Variants in IMMT observed in about 807,000 individuals in gnomAD.
IMMT encodes the protein MICOS complex subunit MIC60.
A neutral mutation model predicts 92.7 loss-of-function variants in IMMT; 40 were observed. That is an observed-to-expected ratio of 0.43 (90% confidence interval 0.34 to 0.56). The LOEUF (loss-of-function observed/expected upper bound fraction) is 0.56, where lower values mean the gene tolerates loss of function less well. IMMT is among the 20% of genes least tolerant of loss of function. The pLI, the probability that IMMT is intolerant of heterozygous loss-of-function variation, is 0.03. For synonymous variants in IMMT, 322 were observed against 336.1 expected (o/e 0.96, Z 0.46); for missense variants, 831 against 912.1 (o/e 0.91, Z 1.14).
At chr2:86,151,274 G>A in intron 12 of IMMT, 23 bp downstream of exon 12, 1 of 1,547,654 alleles carries the variant, frequency 6.5e-7, no homozygotes, top group Non-Finnish European at 8.9e-7. Context: ...TAAATGTTAG[G>A]CAACAATTCT....
At chr2:86,193,372 A>G (rs186486554) in intron 1 of IMMT, among the ~76,000 whole-genome samples, 46 of 149,316 alleles carry the variant, frequency 3.1e-4, no homozygotes, top group Admixed American at 1.4e-3. Context: ...GTGCCACTGC[A>G]CTCCAGCCTG....
chr2:86,152,403 T>C (rs1418991345), intron 11 of IMMT, among the ~76,000 whole-genome samples: 1 of 132,424 alleles, frequency 7.6e-6, no homozygotes, highest in Non-Finnish European at 1.5e-5. Flanking sequence ...ATTGCGCCAC[T>C]GTATTCCAGC....
chr2:86,166,773 G>T, intron 6 of IMMT, 129 bp from the exon 7 acceptor site: 1 of 867,832 alleles, frequency 1.2e-6, no homozygotes, highest in Non-Finnish European at 1.7e-6. Context: ...AAATACATGA[G>T]ACTCAAATTT....
intron 6 of IMMT, among the ~76,000 whole-genome samples, chr2:86,169,083 G>A (rs1019260660): frequency 6.6e-6 from 1 of 152,186 alleles, no homozygotes; most frequent in African/African-American, 2.4e-5. Flanking sequence ...TATTTTTAAA[G>A]TCAAGTTTGA....
intron 1 of IMMT, among the ~76,000 whole-genome samples, chr2:86,189,325 C>T (rs1327676997): frequency 6.7e-6 from 1 of 150,108 alleles, no homozygotes; most frequent in Non-Finnish European, 1.5e-5. Flanking sequence ...ACCTCCATCT[C>T]CTGGGTTTAA....
intron 6 of IMMT, among the ~76,000 whole-genome samples, chr2:86,169,547 C>T (rs139331099): frequency 3.5e-4 from 53 of 152,220 alleles, no homozygotes; most frequent in African/African-American, 9.4e-4. Context: ...AAACTATAAA[C>T]AGCTGCCATG....
rs1302558451 is a variant in IMMT at position 86,171,588 on chromosome 2, C to G, written c.422-243G>C. 5.1e-5 allele frequency: 22 copies of G among 430,190 alleles called. No individual in the cohort carries two copies. The Admixed American group carries it at 7.7e-4, about 15-fold the overall frequency. The allele number at this position is 430,190 out of a possible 1,614,324, so 26.6% of individuals were successfully genotyped here. ...AAGAAGTCTTGTCTGCATCCACCTG[C>G]ATTTTAACCATCATTATTCCAGGCA... On this transcript the variant is annotated intron_variant, in intron 4 of 14. Coordinates refer to ENST00000410111, the MANE Select transcript of IMMT (RefSeq NM_006839.3).
At chr2:86,169,705 C>CA (rs980373140) in intron 6 of IMMT, among the ~76,000 whole-genome samples, 5 of 148,662 alleles carry the variant, frequency 3.4e-5, no homozygotes, top group Non-Finnish European at 7.4e-5. Flanking sequence ...TTTAAACCAT[C>CA]AAAAAATTTA....
intron 1 of IMMT, among the ~76,000 whole-genome samples, chr2:86,189,458 C>T (rs1313331158): frequency 1.3e-5 from 2 of 152,200 alleles, no homozygotes; most frequent in African/African-American, 4.8e-5. Context: ...TGGTCTTGAA[C>T]TCCTGACCTC....
intron 10 of IMMT, among the ~76,000 whole-genome samples, chr2:86,157,805 A>AAG (rs1246784548): frequency 8.4e-5 from 5 of 59,528 alleles, no homozygotes; most frequent in African/African-American, 2.5e-4. Flanking sequence ...AAAAAAAAAG[A>AAG]AAAAAAAAAA....
At chr2:86,155,222 C>G (rs545459339) in intron 10 of IMMT, among the ~76,000 whole-genome samples, 1 of 152,252 alleles carries the variant, frequency 6.6e-6, no homozygotes, top group African/African-American at 2.4e-5. Flanking sequence ...TATTTTTCAT[C>G]CAAGGGGCTC....
Position 86,179,556 on chromosome 2 carries a change from G to C in IMMT, c.186C>G (p.Ile62Met). The C allele has an allele frequency of 6.2e-7, 1 of 1,612,832 alleles. No individual in the cohort carries two copies. The highest frequency in any genetic ancestry group is 8.5e-7 in the Non-Finnish European group (1 of 1,179,446). ...AATGGGAATCCCATTTGGCATATAG[G>C]ATAGTGCCACCAATACCTCCACCAA... Reference protein sequence around the residue: ...LFVGGGIGGTILYAKWDSHFR... With the variant: ...LFVGGGIGGTMLYAKWDSHFR... Residue 62 changes from isoleucine (I) to methionine (M), a missense_variant, in exon 3 of 15, where the codon ATC becomes ATG. Coordinates refer to ENST00000410111, the MANE Select transcript of IMMT (RefSeq NM_006839.3).
At chr2:86,185,888 G>C (rs1164102777) in intron 1 of IMMT, among the ~76,000 whole-genome samples, 1 of 152,164 alleles carries the variant, frequency 6.6e-6, no homozygotes, top group African/African-American at 2.4e-5. Context: ...AGAACCAAGA[G>C]CTGAGGAGAA....
At chr2:86,156,017 TATA>T (rs1675830652) in intron 10 of IMMT, among the ~76,000 whole-genome samples, 1 of 152,126 alleles carries the variant, frequency 6.6e-6, no homozygotes, top group Admixed American at 6.5e-5. Context: ...AAAGAAACAA[TATA>T]GATTGCTTCA....
At chr2:86,186,323 A>G (rs999274860) in intron 1 of IMMT, among the ~76,000 whole-genome samples, 3 of 152,152 alleles carry the variant, frequency 2.0e-5, no homozygotes, top group African/African-American at 7.2e-5. Context: ...AAGGCTGAGG[A>G]TAATATCCAA....
intron 3 of IMMT, 138 bp downstream of exon 3, chr2:86,179,295 C>T (rs1677670291): frequency 4.7e-6 from 3 of 639,594 alleles, no homozygotes; most frequent in Non-Finnish European, 7.9e-6. Flanking sequence ...CTTGAGCATC[C>T]ATGGGATTTT....
chr2:86,144,207 C>T lies in IMMT; in HGVS notation c.*61G>A. On this transcript the variant is annotated 3_prime_UTR_variant, in exon 15 of 15. Coordinates refer to ENST00000410111, the MANE Select transcript of IMMT (RefSeq NM_006839.3). Reference sequence around the variant, plus strand: ...TCCGGGACTCTCGCTGCGAACCCTTCATCTATCACTGCTGATTTCCTTTGA... The same window carrying T: ...TCCGGGACTCTCGCTGCGAACCCTTTATCTATCACTGCTGATTTCCTTTGA... The T allele has an allele frequency of 6.3e-7, 1 of 1,583,426 alleles. No homozygotes were observed. The highest frequency in any genetic ancestry group is 8.6e-7 in the Non-Finnish European group (1 of 1,161,054).
At chr2:86,158,553 A>T (rs771161348) in intron 10 of IMMT, 39 bp downstream of exon 10, 1 of 1,504,368 alleles carries the variant, frequency 6.6e-7, no homozygotes, top group Non-Finnish European at 9.0e-7. Flanking sequence ...ATTAGTGGTT[A>T]AAACATCAAA....
At position 86,157,508 on chromosome 2, in the gene IMMT, A is replaced by C. The variant is rs185530482; in HGVS notation, c.1162+1084T>G. Among the ~76,000 whole-genome samples, 7 of 152,032 alleles carry C rather than the reference A, an allele frequency of 4.6e-5. No homozygotes were observed. The East Asian group carries it at 1.3e-3, about 29-fold the overall frequency. ...TAGCATTTAAACAGTGTTTTGAGCC[A>C]GGTGTGGTGGCTCACACCTGTAATC... On this transcript the variant is annotated intron_variant, in intron 10 of 14. Coordinates refer to ENST00000410111, the MANE Select transcript of IMMT (RefSeq NM_006839.3).
Sources: allele counts gnomAD v4.1 joint callset (sites outside exome capture counted in the v4.1 genomes callset), GRCh38; gene constraint gnomAD v4.1.1; transcripts MANE v1.5; gene names NCBI Gene and HGNC (gene_info 2026-07-23, HGNC 2026-07-21).